LRP2: variants seen among roughly 807,000 people sequenced by gnomAD.
LRP2 encodes low-density lipoprotein receptor-related protein 2.
A neutral mutation model predicts 531.0 loss-of-function variants in LRP2; 172 were observed. The observed-to-expected ratio is 0.32, with a 90% CI of 0.29 to 0.37. The LOEUF (loss-of-function observed/expected upper bound fraction) is 0.37, where lower values mean the gene tolerates loss of function less well. LRP2 is among the 10% of genes least tolerant of loss of function. The pLI is 1.00. For missense variants in LRP2, 5,167 were observed against 5,868.3 expected, an observed-to-expected ratio of 0.88 and a Z score of 3.90; for synonymous variants, 1,992 against 2,027.6, an observed-to-expected ratio of 0.98 and a Z score of 0.47.
At chr2:169,219,577 T>C (rs1688914550) in intron 34 of LRP2, among the ~76,000 whole-genome samples, 1 of 152,144 alleles carries the variant, frequency 6.6e-6, no homozygotes, top group South Asian at 2.1e-4. Context: ...TCAGGATTCC[T>C]TGCTAGGAAG....
At chr2:169,168,460 G>T in intron 61 of LRP2, 79 bp downstream of exon 61, 1 of 1,555,748 alleles carries the variant, frequency 6.4e-7, no homozygotes, top group Non-Finnish European at 8.9e-7. Context: ...TGCTCTCCAG[G>T]CTCACATGCT....
rs771939778 is a variant in LRP2, at chr2:169,239,751, T to C, written c.4070A>G (p.Asn1357Ser). Residue 1357 changes from asparagine to serine, a missense_variant, in exon 26 of 79, where the codon AAT becomes AGT. Asn to Ser is a conservative substitution (Grantham distance 46). Around this residue, in one of 6 missense-constraint regions of LRP2, gnomAD observed 2,811 missense variants for 3,058.0 expected, o/e 0.92. Transcript: ENST00000649046. Reference sequence around the variant, plus strand: ...AACACACTCGTGAGTACAACCACCATTGAAATCTGAGCAGCTGTTCCCATC... The same window carrying C: ...AACACACTCGTGAGTACAACCACCACTGAAATCTGAGCAGCTGTTCCCATC... ...LCNGNSCSDF[N>S]GGCTHECVQE... The C allele has an allele frequency of 1.2e-6, 2 of 1,613,948 alleles. No individual in the cohort carries two copies. Among genetic ancestry groups the C allele is most frequent in the South Asian group, 1.1e-5 (1 of 91,064 alleles).
At chr2:169,312,257 GGTTATTTTGCTC>G (rs1403054237) in intron 3 of LRP2, among the ~76,000 whole-genome samples, 1 of 151,978 alleles carries the variant, frequency 6.6e-6, no homozygotes, top group Non-Finnish European at 1.5e-5. Flanking sequence ...GATGTTAGCT[GGTTATTTTGCTC>G]GTTAGTTGAT....
intron 44 of LRP2, among the ~76,000 whole-genome samples, chr2:169,199,348 C>T (rs1381004042): frequency 6.6e-6 from 1 of 152,084 alleles, no homozygotes; most frequent in South Asian, 2.1e-4. Context: ...AGTAGGCTAA[C>T]TTTTGTGTAA....
rs543366663 is a variant in LRP2, at chr2:169,232,978, C to A, written c.5098+433G>T. 2.6e-5 allele frequency among the ~76,000 whole-genome samples: 4 copies of A among 152,294 alleles called. No homozygotes were observed. In the East Asian group the frequency reaches 7.7e-4, roughly 29 times the overall value. On this transcript the variant is annotated intron_variant, in intron 30 of 78. Coordinates refer to ENST00000649046, the MANE Select transcript of LRP2 (RefSeq NM_004525.3). Reference sequence around the variant, plus strand: ...CTTTCACCTAGACACCCATACCATGCACTTTAGGACAACTCGTGCTGGCTA... The same window carrying A: ...CTTTCACCTAGACACCCATACCATGAACTTTAGGACAACTCGTGCTGGCTA...
intron 16 of LRP2, among the ~76,000 whole-genome samples, chr2:169,265,534 T>C (rs774614079): frequency 3.9e-5 from 6 of 152,036 alleles, no homozygotes; most frequent in Admixed American, 6.6e-5. Context: ...CATATCCATA[T>C]CCATATCAAA....
intron 1 of LRP2, among the ~76,000 whole-genome samples, chr2:169,330,639 G>T (rs921955051): frequency 2.0e-5 from 3 of 152,114 alleles, no homozygotes; most frequent in Non-Finnish European, 4.4e-5. Flanking sequence ...TTGCAGAACT[G>T]TCCTGGTCAA....
chr2:169,269,317 C>T (rs1474483832), intron 16 of LRP2, among the ~76,000 whole-genome samples: 1 of 152,164 alleles, frequency 6.6e-6, no homozygotes. Flanking sequence ...GCCAAAAGAA[C>T]AAAGCTGAAG....
At chr2:169,147,871 C>T (rs1431328506) in intron 68 of LRP2, among the ~76,000 whole-genome samples, 13 of 152,072 alleles carry the variant, frequency 8.5e-5, no homozygotes, top group Non-Finnish European at 1.9e-4. Context: ...GTAATCCGCT[C>T]CTCTGATTTC....
At chr2:169,347,111 G>C (rs1283875774) in intron 1 of LRP2, among the ~76,000 whole-genome samples, 1 of 152,114 alleles carries the variant, frequency 6.6e-6, no homozygotes, top group Non-Finnish European at 1.5e-5. Context: ...TACCAGCTTT[G>C]TGTCTCCTTC....
chr2:169,333,901 GTTA>G (rs948174620), intron 1 of LRP2, among the ~76,000 whole-genome samples: 1 of 152,150 alleles, frequency 6.6e-6, no homozygotes, highest in Non-Finnish European at 1.5e-5. Flanking sequence ...CTCTGTCAAT[GTTA>G]TCACTTCACG....
chr2:169,308,538 C>A (rs1684492823), intron 3 of LRP2, among the ~76,000 whole-genome samples: 1 of 152,168 alleles, frequency 6.6e-6, no homozygotes, highest in Non-Finnish European at 1.5e-5. Context: ...CATGTCCCTA[C>A]AAAGGACAGG....
At chr2:169,288,789 C>T (rs1683923962) in intron 9 of LRP2, among the ~76,000 whole-genome samples, 1 of 152,172 alleles carries the variant, frequency 6.6e-6, no homozygotes, top group African/African-American at 2.4e-5. Flanking sequence ...TGGATAGGTT[C>T]CAGGTAGCTA....
chr2:169,166,091 A>T (rs770970615), intron 61 of LRP2, 37 bp from the exon 62 acceptor site: 1 of 1,611,306 alleles, frequency 6.2e-7, no homozygotes, highest in East Asian at 2.2e-5. Flanking sequence ...TTACAAGTTA[A>T]CAGTAGAATC....
At chr2:169,342,905 T>C (rs1685603900) in intron 1 of LRP2, among the ~76,000 whole-genome samples, 1 of 152,258 alleles carries the variant, frequency 6.6e-6, no homozygotes, top group Non-Finnish European at 1.5e-5. Flanking sequence ...GACCTTTCTG[T>C]AGTTTCATGA....
rs191898692 is a variant in LRP2, at chr2:169,197,098, C to T, written c.8579-68G>A. On this transcript the variant is annotated intron_variant, in intron 45 of 78. Transcript: ENST00000649046. ...GCATGTTCCCATCAGTCTTAACAAT[C>T]TGCCTCTATCTCTGAGCTAGATAAT... 450 of 1,578,970 alleles carry T rather than the reference C, an allele frequency of 2.8e-4. No individual in the cohort carries two copies. In the African/African-American group the frequency reaches 5.4e-3, roughly 19 times the overall value.
intron 16 of LRP2, among the ~76,000 whole-genome samples, chr2:169,269,813 C>A (rs1683350194): frequency 6.6e-6 from 1 of 152,154 alleles, no homozygotes; most frequent in African/African-American, 2.4e-5. Context: ...TCAGAGTGAA[C>A]AGGCAACCTA....
intron 4 of LRP2, among the ~76,000 whole-genome samples, chr2:169,295,285 T>C (rs2105473953): frequency 6.6e-6 from 1 of 152,322 alleles, no homozygotes; most frequent in Non-Finnish European, 1.5e-5. Flanking sequence ...TACTTCCCTA[T>C]CTGCACATTT....
rs960931213 is a variant in LRP2 at position 169,163,807 on chromosome 2, A to G, written c.11759-1207T>C. On this transcript the variant is annotated intron_variant, in intron 62 of 78. Transcript: ENST00000649046. ...CTGCCGTGCTGGCCCTAATGGTAGCATATTTCCCTTTCCCTCTTCATTTGC... is the reference window on the plus strand; with the variant it reads ...CTGCCGTGCTGGCCCTAATGGTAGCGTATTTCCCTTTCCCTCTTCATTTGC... 3.9e-5 allele frequency among the ~76,000 whole-genome samples: 6 copies of G among 152,340 alleles called. No homozygotes were observed. In the East Asian group the frequency reaches 9.7e-4, roughly 25 times the overall value.
Sources: gnomAD v4.1 joint callset for allele counts (sites outside exome capture counted in the v4.1 genomes callset) on GRCh38, gnomAD v4.1.1 for gene constraint, gnomAD v4.1.1 regional missense constraint, MANE v1.5 for transcripts, NCBI Gene and HGNC (gene_info 2026-07-23, HGNC 2026-07-21) for gene names.